The following ZDHHC15 variants were observed in gnomAD, a reference collection of about 807,000 sequenced individuals.
The protein encoded by ZDHHC15 is palmitoyltransferase ZDHHC15.
In ZDHHC15, 19 loss-of-function variants were observed where a neutral mutation model predicts 31.7. The observed-to-expected ratio is 0.60, with a 90% CI of 0.42 to 0.88. ZDHHC15 has a LOEUF of 0.88. ZDHHC15 is among the 40% of genes least tolerant of loss of function. The pLI is 0.00. For synonymous variants in ZDHHC15, 103 were observed against 90.0 expected (o/e 1.14, Z -0.82); for missense variants, 209 against 251.2 (o/e 0.83, Z 1.14).
chrX:75,490,122 C>A (rs1306731527), intron 2 of ZDHHC15, among the ~76,000 whole-genome samples: 1 of 111,723 alleles, frequency 9.0e-6, no homozygotes, highest in Non-Finnish European at 1.9e-5. Flanking sequence ...GACTGGTGTA[C>A]CTGAAAGTGA....
chrX:75,467,085 A>G (rs763313894), intron 3 of ZDHHC15, among the ~76,000 whole-genome samples: 9 of 112,632 alleles, frequency 8.0e-5, no homozygotes, highest in Non-Finnish European at 1.5e-4. Context: ...AAGTCAATAA[A>G]TTGATATTAT....
intron 2 of ZDHHC15, among the ~76,000 whole-genome samples, chrX:75,499,137 G>A (rs931487195): frequency 3.6e-5 from 4 of 111,359 alleles, no homozygotes; most frequent in African/African-American, 1.3e-4. Context: ...ATCAACTCAA[G>A]ATGGATCAAA....
At chrX:75,466,376 G>A (rs2084406431) in intron 3 of ZDHHC15, among the ~76,000 whole-genome samples, 1 of 111,615 alleles carries the variant, frequency 9.0e-6, no homozygotes, top group Non-Finnish European at 1.9e-5. Context: ...GTGGAAGATA[G>A]TGTGGCAATT....
rs12012356 is a variant in ZDHHC15 at position 75,456,467 on chromosome X, C to T, written c.259-5545G>A. On this transcript the variant is annotated intron_variant, in intron 3 of 11. Coordinates refer to ENST00000373367, the MANE Select transcript of ZDHHC15 (RefSeq NM_144969.3). The stretch of plus-strand genomic sequence containing the variant: ...TATATACATATGTAACAAACCTGCA[C>T]GTTGTGAAAATGTACCCTAGAACTT... Among the ~76,000 whole-genome samples, 331 of 110,099 alleles carry T rather than the reference C, an allele frequency of 3.0e-3. 1 individual carries two copies. The highest frequency in any genetic ancestry group is 0.011 in the African/African-American group (325 of 30,218).
chrX:75,396,915 T>C (rs182959136), intron 10 of ZDHHC15, among the ~76,000 whole-genome samples: 101 of 111,796 alleles, frequency 9.0e-4, no homozygotes, highest in Non-Finnish European at 1.2e-3. Context: ...ATGTTCCCAA[T>C]TATTTTGGGG....
At chrX:75,456,249 A>G (rs1253249367) in intron 3 of ZDHHC15, among the ~76,000 whole-genome samples, 1 of 109,763 alleles carries the variant, frequency 9.1e-6, no homozygotes, top group Non-Finnish European at 1.9e-5. Flanking sequence ...AAACTATCAC[A>G]AGGACAGCAA....
intron 3 of ZDHHC15, among the ~76,000 whole-genome samples, chrX:75,452,453 C>A (rs1297795405): frequency 2.7e-5 from 3 of 110,924 alleles, no homozygotes; most frequent in Non-Finnish European, 5.7e-5. Flanking sequence ...GATTTTAACA[C>A]CCCACTGTCA....
intron 3 of ZDHHC15, among the ~76,000 whole-genome samples, chrX:75,451,450 C>T (rs1355679586): frequency 8.9e-6 from 1 of 112,411 alleles, no homozygotes; most frequent in Non-Finnish European, 1.9e-5. Context: ...GATATTCTCA[C>T]TATTGAATAC....
intron 2 of ZDHHC15, among the ~76,000 whole-genome samples, chrX:75,482,792 G>C (rs181469441): frequency 9.1e-6 from 1 of 110,229 alleles, no homozygotes; most frequent in African/African-American, 3.3e-5. Flanking sequence ...TTCAGATTTT[G>C]TTTGTTCCAT....
At chrX:75,496,077 C>G (rs2084992812) in intron 2 of ZDHHC15, among the ~76,000 whole-genome samples, 1 of 110,733 alleles carries the variant, frequency 9.0e-6, no homozygotes. Context: ...GGAGAAAAAT[C>G]TACCACTCAA....
At chrX:75,386,447 T>A (rs2083180471) in intron 10 of ZDHHC15, among the ~76,000 whole-genome samples, 1 of 112,148 alleles carries the variant, frequency 8.9e-6, no homozygotes, top group Non-Finnish European at 1.9e-5. Context: ...GAAAAGCCGC[T>A]GTTTAGTTCA....
At chrX:75,515,347 A>G (rs1367860428) in intron 1 of ZDHHC15, among the ~76,000 whole-genome samples, 1 of 111,602 alleles carries the variant, frequency 9.0e-6, no homozygotes, top group Non-Finnish European at 1.9e-5. Context: ...AAATACTGGC[A>G]AACCGAATCC....
Position 75,379,116 on chromosome X carries a change from T to C in ZDHHC15, c.*32+4A>G, listed in dbSNP as rs780344974. 1 of 1,206,036 alleles carries C rather than the reference T, an allele frequency of 8.3e-7. No individual in the cohort carries two copies. Among genetic ancestry groups the C allele is most frequent in the Non-Finnish European group, 1.1e-6 (1 of 890,337 alleles). ...ACTGTATGTGTCTCCCTCAGAATAC[T>C]GACCTGTCTGAGAGATGCAGGAAAT... On this transcript the variant is annotated splice_donor_region_variant and intron_variant, in intron 11 of 11. Coordinates refer to ENST00000373367, the MANE Select transcript of ZDHHC15 (RefSeq NM_144969.3).
chrX:75,501,120 C>T (rs1021097385), intron 2 of ZDHHC15, among the ~76,000 whole-genome samples: 1 of 110,641 alleles, frequency 9.0e-6, no homozygotes, highest in Admixed American at 9.7e-5. Flanking sequence ...TGCCTCCTCC[C>T]ACTTTCCATC....
intron 9 of ZDHHC15, among the ~76,000 whole-genome samples, chrX:75,419,425 C>T (rs1280150835): frequency 7.1e-4 from 79 of 111,241 alleles, no homozygotes; most frequent in Admixed American, 5.2e-3. Flanking sequence ...GTTAGAATGG[C>T]GATCATGAAA....
chrX:75,472,107 G>C (rs1176221650), intron 3 of ZDHHC15, among the ~76,000 whole-genome samples: 2 of 111,618 alleles, frequency 1.8e-5, no homozygotes, highest in African/African-American at 6.5e-5. Flanking sequence ...GCTCGAGCAG[G>C]TCCTGAAGGC....
chrX:75,441,282 C>G (rs2083936620), intron 4 of ZDHHC15, among the ~76,000 whole-genome samples: 1 of 111,661 alleles, frequency 9.0e-6, no homozygotes, highest in Admixed American at 9.5e-5. Context: ...CCCAAGGAAC[C>G]CTTGAAATAG....
chrX:75,493,108 C>G (rs1368727137), intron 2 of ZDHHC15, among the ~76,000 whole-genome samples: 2 of 111,813 alleles, frequency 1.8e-5, no homozygotes, highest in Non-Finnish European at 3.8e-5. Flanking sequence ...GGTATCACCA[C>G]TGATCCCACA....
chrX:75,441,561 T>A (rs886521532), intron 4 of ZDHHC15, among the ~76,000 whole-genome samples: 12 of 110,781 alleles, frequency 1.1e-4, no homozygotes, highest in African/African-American at 2.0e-4. Context: ...AGTGGCAAGA[T>A]GCTTCTTTCA....
Sources: gnomAD v4.1 joint callset for allele counts (sites outside exome capture counted in the v4.1 genomes callset) on GRCh38, gnomAD v4.1.1 for gene constraint, MANE v1.5 for transcripts, NCBI Gene and HGNC (gene_info 2026-07-23, HGNC 2026-07-21) for gene names.